Variants in CDH23 observed in about 807,000 individuals in gnomAD.
CDH23 encodes cadherin-23.
A neutral mutation model predicts 317.1 loss-of-function variants in CDH23; 189 were observed. The ratio of observed to expected loss-of-function variants is 0.60; its 90% CI spans 0.53 to 0.67. The LOEUF (loss-of-function observed/expected upper bound fraction) is 0.67. CDH23 is among the 30% of genes least tolerant of loss of function. The probability of loss-of-function intolerance (pLI) is 0.00; values close to 1 mark genes in which losing one functional copy is unlikely to be tolerated. For synonymous variants in CDH23, 1,839 were observed against 1,876.8 expected, an observed-to-expected ratio of 0.98 and a Z score of 0.52; for missense variants, 4,401 against 4,592.4, an observed-to-expected ratio of 0.96 and a Z score of 1.20.
chr10:71,515,519 T>C (rs1854282502), intron 6 of CDH23, among the ~76,000 whole-genome samples: 1 of 149,562 alleles, frequency 6.7e-6, no homozygotes, highest in East Asian at 1.9e-4. Flanking sequence ...CATGTTCGGA[T>C]CTGCCCAATT....
chr10:71,705,434 C>A (rs907215240), intron 25 of CDH23, among the ~76,000 whole-genome samples: 1 of 152,170 alleles, frequency 6.6e-6, no homozygotes, highest in Non-Finnish European at 1.5e-5. Flanking sequence ...AGGGCTTGAG[C>A]AGGGCCCGGG....
chr10:71,514,608 T>C (rs1257034883), intron 6 of CDH23, among the ~76,000 whole-genome samples: 1 of 152,086 alleles, frequency 6.6e-6, no homozygotes, highest in Non-Finnish European at 1.5e-5. Context: ...CAGGTGTGTG[T>C]TTGAGTTTGT....
chr10:71,716,003 C>A (rs200650849), intron 28 of CDH23: 2 of 1,500,096 alleles, frequency 1.3e-6, no homozygotes, highest in Non-Finnish European at 1.8e-6. Context: ...CAGGGGCTGT[C>A]GAGGGACGGT....
chr10:71,727,036 G>A (rs544670091), intron 30 of CDH23, among the ~76,000 whole-genome samples: 9 of 152,286 alleles, frequency 5.9e-5, no homozygotes, highest in East Asian at 5.8e-4. Context: ...AGCTACTTAC[G>A]TCCTGCCCGT....
chr10:71,724,199 A>G, intron 29 of CDH23, 94 bp downstream of exon 29: 2 of 1,365,042 alleles, frequency 1.5e-6, no homozygotes, highest in South Asian at 2.5e-5. Flanking sequence ...GATGAGGCCA[A>G]GAGAACCCCC....
chr10:71,461,414 A>G (rs1368672618), intron 3 of CDH23, among the ~76,000 whole-genome samples: 1 of 152,232 alleles, frequency 6.6e-6, no homozygotes, highest in Admixed American at 6.5e-5. Context: ...GGGCTGTGAC[A>G]GCCTTAGGCT....
At chr10:71,417,077 CT>C (rs746799140) in intron 1 of CDH23, among the ~76,000 whole-genome samples, 45 of 88,570 alleles carry the variant, frequency 5.1e-4, no homozygotes, top group Admixed American at 8.8e-4. Flanking sequence ...CTTTTCTTTT[CT>C]TTTTTTTTTT....
intron 3 of CDH23, among the ~76,000 whole-genome samples, chr10:71,469,929 A>G (rs577286783): frequency 6.6e-6 from 1 of 152,224 alleles, no homozygotes; most frequent in East Asian, 1.9e-4. Context: ...GTGTGGACAC[A>G]TGTTTTTATT....
intron 3 of CDH23, among the ~76,000 whole-genome samples, chr10:71,502,047 C>T (rs1469580512): frequency 2.6e-5 from 4 of 152,220 alleles, no homozygotes; most frequent in Admixed American, 2.6e-4. Flanking sequence ...GGCCCTCTCC[C>T]GGCCAGGACC....
intron 38 of CDH23, among the ~76,000 whole-genome samples, chr10:71,770,850 C>T (rs1840668699): frequency 2.0e-5 from 3 of 152,140 alleles, no homozygotes; most frequent in African/African-American, 7.2e-5. Context: ...AAGGGACTCC[C>T]AGTATTGCTG....
intron 41 of CDH23, among the ~76,000 whole-genome samples, 189 bp downstream of exon 41, chr10:71,779,636 G>A (rs1227183417): frequency 2.0e-5 from 3 of 152,240 alleles, no homozygotes; most frequent in Admixed American, 6.5e-5. Flanking sequence ...CAGAGATGTG[G>A]CGAGAACACC....
Position 71,483,825 on chromosome 10 carries a change from A to G in CDH23, c.146-26257A>G, listed in dbSNP as rs150357222. Among the ~76,000 whole-genome samples, 117 of 152,174 alleles carry G rather than the reference A, an allele frequency of 7.7e-4. No homozygotes were observed. The East Asian group carries it at 0.015, about 19-fold the overall frequency. On this transcript the variant is annotated intron_variant, in intron 3 of 69. Transcript: ENST00000224721. Reference sequence around the variant, plus strand: ...TGCAAAAATCACTGTTTTGGTGTACATGCTCACACACATTTCCTGTGTTTC... The same window carrying G: ...TGCAAAAATCACTGTTTTGGTGTACGTGCTCACACACATTTCCTGTGTTTC...
At chr10:71,728,599 G>A (rs1866918545) in intron 30 of CDH23, among the ~76,000 whole-genome samples, 1 of 152,200 alleles carries the variant, frequency 6.6e-6, no homozygotes, top group Non-Finnish European at 1.5e-5. Context: ...CACATGCAGA[G>A]GCCCCTCCCT....
At chr10:71,462,905 C>A (rs1589104236) in intron 3 of CDH23, among the ~76,000 whole-genome samples, 1 of 152,380 alleles carries the variant, frequency 6.6e-6, no homozygotes, top group East Asian at 1.9e-4. Flanking sequence ...GGGAGTGCTT[C>A]TTTGGGCCAG....
chr10:71,700,481 T>A (rs991892627), intron 22 of CDH23, among the ~76,000 whole-genome samples: 2 of 152,246 alleles, frequency 1.3e-5, no homozygotes, highest in African/African-American at 4.8e-5. Context: ...TGAAACGACT[T>A]GGCCTGTTTT....
chr10:71,653,796 G>A (rs750243930), intron 14 of CDH23, among the ~76,000 whole-genome samples: 1 of 152,206 alleles, frequency 6.6e-6, no homozygotes, highest in Non-Finnish European at 1.5e-5. Context: ...AGAGTGTGCT[G>A]TAGAGAGAAT....
chr10:71,629,104 T>C (rs4747173), intron 11 of CDH23, among the ~76,000 whole-genome samples: 144,314 of 152,300 alleles, frequency 0.95, 68,441 homozygotes, highest in East Asian at 1. Context: ...GGGATTGGCT[T>C]ATTCCTTCAT....
intron 38 of CDH23, chr10:71,752,958 G>T: frequency 6.2e-7 from 1 of 1,612,110 alleles, no homozygotes; most frequent in Non-Finnish European, 8.5e-7. Context: ...TCTCAAGAAG[G>T]TCTCCATGGG....
chr10:71,455,062 G>A (rs10823759), intron 3 of CDH23, among the ~76,000 whole-genome samples: 52,208 of 151,800 alleles, frequency 0.34, 11,131 homozygotes, highest in East Asian at 0.48. Context: ...GCCTAGTCTC[G>A]AACTCCTGGC....
Sources: gnomAD v4.1 joint callset for allele counts (sites outside exome capture counted in the v4.1 genomes callset) on GRCh38, gnomAD v4.1.1 for gene constraint, MANE v1.5 for transcripts, NCBI Gene and HGNC (gene_info 2026-07-23, HGNC 2026-07-21) for gene names.